Variants in TMEFF2 observed in about 807,000 individuals in gnomAD.
TMEFF2 encodes transmembrane protein with EGF like and two follistatin like domains 2, also known as tomoregulin-2.
TMEFF2 carries 28 observed loss-of-function variants against 53.8 expected under a neutral mutation model. That is an observed-to-expected ratio of 0.52 (90% CI 0.39 to 0.71). The LOEUF is 0.71. Among genes scored for constraint, TMEFF2 ranks in the 30% least tolerant of loss-of-function variants. The probability of loss-of-function intolerance (pLI) is 0.00; values close to 1 mark genes in which losing one functional copy is unlikely to be tolerated. For synonymous variants in TMEFF2, 162 were observed against 166.3 expected (o/e 0.97, Z 0.20); for missense variants, 353 against 455.2 (o/e 0.78, Z 2.04).
intron 4 of TMEFF2, among the ~76,000 whole-genome samples, chr2:192,176,104 C>T (rs1691035880): frequency 6.6e-6 from 1 of 151,310 alleles, no homozygotes; most frequent in East Asian, 1.9e-4. Context: ...ATCCCTCCTA[C>T]ACACACCCGT....
intron 4 of TMEFF2, among the ~76,000 whole-genome samples, chr2:192,101,273 T>C (rs1394198671): frequency 1.3e-5 from 2 of 152,172 alleles, no homozygotes; most frequent in Non-Finnish European, 2.9e-5. Context: ...TTACCCAAAA[T>C]AATTTTACCG....
chr2:192,120,199 TA>T (rs1689516448), intron 4 of TMEFF2, among the ~76,000 whole-genome samples: 1 of 152,162 alleles, frequency 6.6e-6, no homozygotes, highest in Non-Finnish European at 1.5e-5. Flanking sequence ...GCTGATTTAC[TA>T]CCCAGACCAC....
intron 7 of TMEFF2, among the ~76,000 whole-genome samples, chr2:191,997,807 C>G (rs954264098): frequency 1.3e-5 from 2 of 151,632 alleles, no homozygotes; most frequent in African/African-American, 4.8e-5. Context: ...ACATTTTTAA[C>G]TTTGCATCTA....
intron 7 of TMEFF2, among the ~76,000 whole-genome samples, chr2:191,974,542 G>A (rs1367786546): frequency 1.3e-5 from 2 of 152,014 alleles, no homozygotes; most frequent in African/African-American, 4.8e-5. Flanking sequence ...AAGAACAAAA[G>A]TACTGAAAGT....
At chr2:192,002,391 T>C (rs1317999504) in intron 5 of TMEFF2, among the ~76,000 whole-genome samples, 1 of 152,298 alleles carries the variant, frequency 6.6e-6, no homozygotes, top group East Asian at 1.9e-4. Context: ...TATACTTGCA[T>C]ATATTAAATA....
chr2:192,179,621 T>C (rs55693184), intron 4 of TMEFF2, 47 bp downstream of exon 4: 1 of 1,533,992 alleles, frequency 6.5e-7, no homozygotes, highest in Non-Finnish European at 8.8e-7. Flanking sequence ...ATATACATAA[T>C]AATATCCACC....
At chr2:192,164,668 C>T (rs1184948867) in intron 4 of TMEFF2, among the ~76,000 whole-genome samples, 1 of 150,294 alleles carries the variant, frequency 6.7e-6, no homozygotes, top group African/African-American at 2.5e-5. Context: ...GTGGAGGTTG[C>T]AGTGAGCCAA....
intron 4 of TMEFF2, among the ~76,000 whole-genome samples, chr2:192,086,745 A>G (rs1688677509): frequency 6.6e-6 from 1 of 152,118 alleles, no homozygotes; most frequent in Non-Finnish European, 1.5e-5. Context: ...TCATTGTGGA[A>G]TATACTTCCT....
Position 192,055,348 on chromosome 2 carries a change from A to G in TMEFF2, c.536+2331T>C, listed in dbSNP as rs182244024. Among the ~76,000 whole-genome samples the G allele has an allele frequency of 4.4e-3, 668 of 152,258 alleles. 7 individuals carry two copies. The highest frequency in any genetic ancestry group is 0.015 in the African/African-American group (637 of 41,540). On this transcript the variant is annotated intron_variant, in intron 5 of 9. Transcript: ENST00000272771. ...TGAGTCCCACTTCTCTGAAATTCTGATTCATTAATTTTGGGGCAGAACTAA... is the reference window on the plus strand; with the variant it reads ...TGAGTCCCACTTCTCTGAAATTCTGGTTCATTAATTTTGGGGCAGAACTAA...
chr2:192,049,293 G>A (rs1486382482), intron 5 of TMEFF2, among the ~76,000 whole-genome samples: 1 of 152,050 alleles, frequency 6.6e-6, no homozygotes, highest in Non-Finnish European at 1.5e-5. Flanking sequence ...TTGCTGTTTG[G>A]GTTTGGGAAG....
chr2:191,978,265 G>A (rs1451088081), intron 7 of TMEFF2, among the ~76,000 whole-genome samples: 1 of 151,896 alleles, frequency 6.6e-6, no homozygotes, highest in Non-Finnish European at 1.5e-5. Flanking sequence ...GAAAGCGATC[G>A]GCCAGCTTTG....
intron 4 of TMEFF2, among the ~76,000 whole-genome samples, chr2:192,118,350 G>A (rs1689466583): frequency 6.6e-6 from 1 of 152,112 alleles, no homozygotes; most frequent in Non-Finnish European, 1.5e-5. Context: ...CAACCACTTT[G>A]CAGTAAAAAT....
intron 4 of TMEFF2, among the ~76,000 whole-genome samples, chr2:192,103,203 TC>T (rs1689073542): frequency 6.6e-6 from 1 of 152,208 alleles, no homozygotes; most frequent in Non-Finnish European, 1.5e-5. Flanking sequence ...CTGATGTTTA[TC>T]CCTGCTCCCA....
At chr2:192,045,828 A>C (rs4429414) in intron 5 of TMEFF2, among the ~76,000 whole-genome samples, 121,683 of 152,120 alleles carry the variant, frequency 0.8, 50,018 homozygotes, top group Middle Eastern at 0.91. Flanking sequence ...AAGAGACAGC[A>C]GTTTGTCCTC....
intron 7 of TMEFF2, among the ~76,000 whole-genome samples, chr2:191,959,624 ATG>A (rs10687431): frequency 1.3e-5 from 2 of 152,008 alleles, no homozygotes; most frequent in Non-Finnish European, 2.9e-5. Context: ...CAGTATGTAC[ATG>A]TGTGTGTATG....
chr2:192,073,785 C>T (rs1688347116), intron 4 of TMEFF2, among the ~76,000 whole-genome samples: 1 of 151,746 alleles, frequency 6.6e-6, no homozygotes, highest in African/African-American at 2.4e-5. Context: ...TTTTAAGAAA[C>T]AAAAATAAAA....
intron 4 of TMEFF2, among the ~76,000 whole-genome samples, chr2:192,116,839 T>A (rs16834220): frequency 0.017 from 2,596 of 152,196 alleles, 60 homozygotes; most frequent in African/African-American, 0.059. Context: ...TTAAAAATGC[T>A]AAATCTCAGT....
rs115555933 is a variant in TMEFF2 at position 192,147,877 on chromosome 2, C to T, written c.439+31791G>A. On this transcript the variant is annotated intron_variant, in intron 4 of 9. Coordinates refer to ENST00000272771, the MANE Select transcript of TMEFF2 (RefSeq NM_016192.4). ...ATAAATAGATACAGTAGTGTATTAA[C>T]ATCTGTTTTACAAAACTGCTTCAGT... 6.3e-3 allele frequency among the ~76,000 whole-genome samples: 961 copies of T among 151,960 alleles called. 11 individuals carry two copies. The highest frequency in any genetic ancestry group is 0.022 in the African/African-American group (897 of 41,494).
intron 5 of TMEFF2, among the ~76,000 whole-genome samples, chr2:192,019,692 T>C (rs1686820095): frequency 1.3e-5 from 2 of 151,992 alleles, no homozygotes; most frequent in South Asian, 2.1e-4. Context: ...CCTGATGATA[T>C]ATTAAAGTTT....
Sources: allele counts gnomAD v4.1 joint callset (sites outside exome capture counted in the v4.1 genomes callset), GRCh38; gene constraint gnomAD v4.1.1; transcripts MANE v1.5; gene names NCBI Gene and HGNC (gene_info 2026-07-23, HGNC 2026-07-21).